Variants in KBTBD11 observed in about 807,000 individuals in gnomAD.
KBTBD11 encodes the protein kelch repeat and BTB domain-containing protein 11.
For missense variants in KBTBD11, 1,390 were observed against 1,001.8 expected (o/e 1.39, Z -5.23); for synonymous variants, 747 against 499.0 (o/e 1.50, Z -6.63).
Position 1,973,926 on chromosome 8 carries a change from C to CAG in KBTBD11, c.-918_-917insAG. On this transcript the variant is annotated 5_prime_UTR_variant, in exon 1 of 2. The change abolishes the stop of an existing upstream ORF in the 5' untranslated region. Transcript: ENST00000320248. ...CCCGGGCCCGGCGGCTGAAGAGGAG[C>CAG]CGCGGCGAGGTAGGGCGGACCCCGG... The CAG allele has an allele frequency of 1.0e-6, 1 of 982,454 alleles. No homozygotes were observed. The highest frequency in any genetic ancestry group is 1.2e-6 in the Non-Finnish European group (1 of 828,460). 60.9% of individuals were successfully genotyped at this position (982,454 alleles called of 1,614,324 possible). A position where few individuals can be genotyped will look rare whatever the true frequency, so the allele number is the denominator to read the frequency against.
chr8:1,973,922 G>A lies in KBTBD11; in HGVS notation c.-922G>A, dbSNP rs1044288597. 2 of 982,802 alleles carry A rather than the reference G, an allele frequency of 2.0e-6. No individual in the cohort carries two copies. Among genetic ancestry groups the A allele is most frequent in the East Asian group, 1.1e-4 (1 of 8,716 alleles). The allele number at this position is 982,802 out of a possible 1,614,324, so 60.9% of individuals were successfully genotyped here. On this transcript the variant is annotated 5_prime_UTR_variant, in exon 1 of 2. Coordinates refer to ENST00000320248, the MANE Select transcript of KBTBD11 (RefSeq NM_014867.3). ...GCGTCCCGGGCCCGGCGGCTGAAGA[G>A]GAGCCGCGGCGAGGTAGGGCGGACC...
At chr8:1,981,702 C>T (rs1308816910) in intron 1 of KBTBD11, among the ~76,000 whole-genome samples, 1 of 152,208 alleles carries the variant, frequency 6.6e-6, no homozygotes, top group African/African-American at 2.4e-5. Flanking sequence ...GCCTCTCCCA[C>T]TCTCCCCTGT....
rs1208981764 is a variant in KBTBD11, at chr8:2,002,630, T to C, written c.1438T>C (p.Trp480Arg). 2 of 1,580,830 alleles carry C rather than the reference T, an allele frequency of 1.3e-6. No homozygotes were observed. The highest frequency in any genetic ancestry group is 1.7e-6 in the Non-Finnish European group (2 of 1,172,508). ...LLKYDPRRDE[W>R]QECPCSSSRE... Reference sequence around the variant, plus strand: ...CAAGTATGACCCGCGGCGCGACGAGTGGCAGGAGTGCCCGTGCAGCAGCAG... The same window carrying C: ...CAAGTATGACCCGCGGCGCGACGAGCGGCAGGAGTGCCCGTGCAGCAGCAG... Residue 480 changes from tryptophan to arginine, a missense_variant, in exon 2 of 2, where the codon TGG (tryptophan) becomes CGG (arginine). Trp to Arg is a moderately radical substitution (Grantham distance 101). Coordinates refer to ENST00000320248, the MANE Select transcript of KBTBD11 (RefSeq NM_014867.3). The surrounding 1 kb of genome is among the most constrained non-coding windows in gnomAD (Gnocchi z 4.1).
At position 2,003,189 on chromosome 8, in the gene KBTBD11, G is replaced by T. The variant is rs2129317179; in HGVS notation, c.*125G>T. On this transcript the variant is annotated 3_prime_UTR_variant, in exon 2 of 2. Coordinates refer to ENST00000320248, the MANE Select transcript of KBTBD11 (RefSeq NM_014867.3). ...GCCACGCTGGTGGTTTGGACACTTCGAAGGAGCCCCGAGGACGCTCTCAGG... is the reference window on the plus strand; with the variant it reads ...GCCACGCTGGTGGTTTGGACACTTCTAAGGAGCCCCGAGGACGCTCTCAGG... 3.2e-6 allele frequency: 4 copies of T among 1,234,620 alleles called. No homozygotes were observed. In the East Asian group the frequency reaches 1.3e-4, roughly 39 times the overall value. The allele number at this position is 1,234,620 out of a possible 1,614,324, so 76.5% of individuals were successfully genotyped here. A position where few individuals can be genotyped will look rare whatever the true frequency, so the allele number is the denominator to read the frequency against.
Position 2,003,427 on chromosome 8 carries a change from C to T in KBTBD11, c.*363C>T, listed in dbSNP as rs142222612. ...AACCCCGCAGAGCACCGAGGCTGTG[C>T]GCAGGAGCCTGGGACCCTCAAGTAG... On this transcript the variant is annotated 3_prime_UTR_variant, in exon 2 of 2. Transcript: ENST00000320248. 469 of 210,592 alleles carry T rather than the reference C, an allele frequency of 2.2e-3. 2 individuals carry two copies. The highest frequency in any genetic ancestry group is 9.4e-3 in the African/African-American group (408 of 43,180). The allele number at this position is 210,592 out of a possible 1,614,324, so 13.0% of individuals were successfully genotyped here. A position where few individuals can be genotyped will look rare whatever the true frequency, so the allele number is the denominator to read the frequency against.
intron 1 of KBTBD11, among the ~76,000 whole-genome samples, chr8:1,993,093 C>T (rs1194469881): frequency 1.3e-5 from 2 of 152,024 alleles, no homozygotes; most frequent in Admixed American, 6.6e-5. Context: ...ATGCTGCATG[C>T]CACCACTCTC....
At chr8:1,980,360 G>T (rs1816499412) in intron 1 of KBTBD11, among the ~76,000 whole-genome samples, 1 of 151,696 alleles carries the variant, frequency 6.6e-6, no homozygotes, top group Non-Finnish European at 1.5e-5. Context: ...CGGAGTAGCT[G>T]GGATTACAAG....
intron 1 of KBTBD11, chr8:1,976,110 A>C (rs1483245091): frequency 6.6e-6 from 1 of 152,188 alleles, no homozygotes; most frequent in Non-Finnish European, 1.5e-5. Flanking sequence ...CTTGCATCCA[A>C]GGCTGTGATC....
chr8:1,995,524 A>G (rs1365808536), intron 1 of KBTBD11, among the ~76,000 whole-genome samples: 1 of 152,168 alleles, frequency 6.6e-6, no homozygotes, highest in African/African-American at 2.4e-5. Flanking sequence ...ATACTGAGAA[A>G]ATGTGGATCA....
At position 2,005,770 on chromosome 8, in the gene KBTBD11, G is replaced by C. The variant is rs538279881; in HGVS notation, c.*2706G>C. 4 of 167,212 alleles carry C rather than the reference G, an allele frequency of 2.4e-5. No homozygotes were observed. The highest frequency in any genetic ancestry group is 3.9e-4 in the East Asian group (2 of 5,182). The allele number at this position is 167,212 out of a possible 1,614,324, so 10.4% of individuals were successfully genotyped here. ...CGGGGCATTTCCAAATGTCTGACTC[G>C]TGAAATTAACCCATACGCAGGGGCC... On this transcript the variant is annotated 3_prime_UTR_variant, in exon 2 of 2. Coordinates refer to ENST00000320248, the MANE Select transcript of KBTBD11 (RefSeq NM_014867.3).
rs536702109 is a variant in KBTBD11 at position 1,992,836 on chromosome 8, T to A, written c.-908-7449T>A. ...ACTATTGATCTCTTTTATTTATTTT[T>A]TTTTTTCAAAACCTTTTTTGTGAGC... On this transcript the variant is annotated intron_variant, in intron 1 of 1. Transcript: ENST00000320248. Among the ~76,000 whole-genome samples the A allele has an allele frequency of 9.2e-5, 14 of 152,258 alleles. No homozygotes were observed. In the East Asian group the frequency reaches 1.3e-3, roughly 15 times the overall value.
chr8:1,989,821 A>G (rs1161638444), intron 1 of KBTBD11, among the ~76,000 whole-genome samples: 1 of 151,332 alleles, frequency 6.6e-6, no homozygotes. Flanking sequence ...GCTGGAATCC[A>G]TGGCTCTGAC....
Position 2,000,285 on chromosome 8 carries a change from G to C in KBTBD11, c.-908G>C, listed in dbSNP as rs1477836399. Reference sequence around the variant, plus strand: ...TCCTCTCTTTTTGTCCTATAAACAGGAACAAGAGTGTGGTGAGAGGACGCG... The same window carrying C: ...TCCTCTCTTTTTGTCCTATAAACAGCAACAAGAGTGTGGTGAGAGGACGCG... On this transcript the variant is annotated splice_region_variant and 5_prime_UTR_variant, in exon 2 of 2. Transcript: ENST00000320248. 6.6e-6 allele frequency: 1 copy of C among 152,182 alleles called. No individual in the cohort carries two copies. The highest frequency in any genetic ancestry group is 1.5e-5 in the Non-Finnish European group (1 of 68,058). 9.4% of individuals were successfully genotyped at this position (152,182 alleles called of 1,614,324 possible).
intron 1 of KBTBD11, among the ~76,000 whole-genome samples, chr8:1,985,222 C>G (rs1452661197): frequency 6.6e-6 from 1 of 152,252 alleles, no homozygotes; most frequent in Non-Finnish European, 1.5e-5. Context: ...AGGAGAGCAC[C>G]TCGTGAGGTG....
intron 1 of KBTBD11, among the ~76,000 whole-genome samples, chr8:1,985,936 C>T (rs937272982): frequency 2.0e-5 from 3 of 152,230 alleles, no homozygotes; most frequent in Admixed American, 6.5e-5. Context: ...GTAGACACAT[C>T]GGTTTTGCAT....
In KBTBD11 at chr8:2,002,530, C is replaced by T; in HGVS notation, c.1338C>T (p.Phe446=). The part of the protein sequence containing the change: ...APVAPLPRGA[F]AVAHEATTCH... ...TGGCGCCGCTGCCCCGGGGCGCCTT[C>T]GCCGTGGCGCATGAGGCCACCACCT... The change falls in exon 2 of 2, where the codon TTC becomes TTT. Residue 446 remains phenylalanine, a synonymous_variant. Transcript: ENST00000320248. The surrounding 1 kb of genome is among the most constrained non-coding windows in gnomAD (Gnocchi z 4.1). The T allele has an allele frequency of 6.5e-7, 1 of 1,544,716 alleles. No individual in the cohort carries two copies. Among genetic ancestry groups the T allele is most frequent in the African/African-American group, 1.4e-5 (1 of 71,258 alleles).
intron 1 of KBTBD11, among the ~76,000 whole-genome samples, chr8:1,993,360 T>A (rs1816989648): frequency 1.1e-5 from 1 of 93,878 alleles, no homozygotes; most frequent in South Asian, 5.1e-4. Flanking sequence ...CATCCATCGG[T>A]CCATCCGTCC....
chr8:1,996,155 C>G (rs1332246828), intron 1 of KBTBD11, among the ~76,000 whole-genome samples: 1 of 152,232 alleles, frequency 6.6e-6, no homozygotes, highest in Admixed American at 6.5e-5. Context: ...TGAATGGCAT[C>G]TTTCTGGTGC....
chr8:1,990,122 A>G (rs924712315), intron 1 of KBTBD11, among the ~76,000 whole-genome samples: 5 of 152,202 alleles, frequency 3.3e-5, no homozygotes, highest in Non-Finnish European at 5.9e-5. Flanking sequence ...GCCTGTCTCA[A>G]GTGTGTGAGC....
Sources: allele counts gnomAD v4.1 joint callset (sites outside exome capture counted in the v4.1 genomes callset), GRCh38; gene constraint gnomAD v4.1.1; non-coding constraint Gnocchi (gnomAD v3.1); transcripts MANE v1.5; gene names NCBI Gene and HGNC (gene_info 2026-07-23, HGNC 2026-07-21).